Variants in AFG2A observed in about 807,000 individuals in gnomAD.
AFG2A encodes the protein ATPase family gene 2 protein homolog A.
chr4:123,017,172 G>T, the AFG2A span, among the ~76,000 whole-genome samples: 1 of 28,330 alleles, frequency 3.5e-5, no homozygotes, highest in Non-Finnish European at 8.2e-5. Flanking sequence ...AGGGGAGAGG[G>T]AGAGGGGGGA....
the AFG2A span, among the ~76,000 whole-genome samples, chr4:123,075,004 C>T: frequency 3.9e-5 from 6 of 152,140 alleles, no homozygotes; most frequent in Admixed American, 6.5e-5. Flanking sequence ...AGTGCAGTGG[C>T]GACATCTCAG....
chr4:123,027,747 A>C, the AFG2A span, among the ~76,000 whole-genome samples: 18 of 152,170 alleles, frequency 1.2e-4, no homozygotes, highest in African/African-American at 4.1e-4. Flanking sequence ...GCTAAAGATA[A>C]AAATGATTGT....
the AFG2A span, among the ~76,000 whole-genome samples, chr4:123,059,658 A>AGG: frequency 6.6e-6 from 1 of 150,776 alleles, no homozygotes; most frequent in Admixed American, 6.6e-5. Flanking sequence ...TAGTCCTTTG[A>AGG]GTATATACCC....
At chr4:123,167,274 A>G in the AFG2A span, among the ~76,000 whole-genome samples, 1 of 150,168 alleles carries the variant, frequency 6.7e-6, no homozygotes, top group African/African-American at 2.4e-5. Flanking sequence ...ATCTATATAT[A>G]TAGCTTTTTG....
the AFG2A span, among the ~76,000 whole-genome samples, chr4:122,943,550 C>T: frequency 6.6e-6 from 1 of 152,122 alleles, no homozygotes. Context: ...AGATGGGTTT[C>T]CTGAATACAG....
the AFG2A span, among the ~76,000 whole-genome samples, chr4:123,003,449 G>C: frequency 6.6e-6 from 1 of 152,092 alleles, no homozygotes; most frequent in Non-Finnish European, 1.5e-5. Context: ...TGTTTGTTTG[G>C]TCTTTGATGA....
chr4:123,251,732 A>T, the AFG2A span, among the ~76,000 whole-genome samples: 1 of 152,090 alleles, frequency 6.6e-6, no homozygotes, highest in Non-Finnish European at 1.5e-5. Flanking sequence ...TTTAGGTAGA[A>T]AGAAGTGATT....
chr4:123,164,767 C>T, the AFG2A span, among the ~76,000 whole-genome samples: 5 of 151,986 alleles, frequency 3.3e-5, no homozygotes, highest in Non-Finnish European at 5.9e-5. Flanking sequence ...AATAATTGAG[C>T]GATTATGACA....
chr4:123,217,422 G>C, the AFG2A span, among the ~76,000 whole-genome samples: 1 of 152,228 alleles, frequency 6.6e-6, no homozygotes, highest in Non-Finnish European at 1.5e-5. Context: ...GCTATTTTAA[G>C]ACTGTCTTTA....
chr4:122,983,108 C>T, the AFG2A span, among the ~76,000 whole-genome samples: 8 of 152,012 alleles, frequency 5.3e-5, no homozygotes, highest in Middle Eastern at 6.8e-3. Flanking sequence ...CCTCATGATC[C>T]GCCCACCTCA....
At chr4:122,996,797 G>A in the AFG2A span, among the ~76,000 whole-genome samples, 2 of 152,132 alleles carry the variant, frequency 1.3e-5, no homozygotes, top group African/African-American at 4.8e-5. Context: ...CAGTGAGACT[G>A]AAGGCCTGAG....
the AFG2A span, among the ~76,000 whole-genome samples, chr4:123,032,543 G>A: frequency 6.6e-6 from 1 of 152,190 alleles, no homozygotes; most frequent in Admixed American, 6.5e-5. Flanking sequence ...AGGCTCCCAA[G>A]TATCTGGGGT....
the AFG2A span, among the ~76,000 whole-genome samples, chr4:123,105,717 A>G: frequency 2.0e-5 from 3 of 152,220 alleles, no homozygotes; most frequent in Non-Finnish European, 4.4e-5. Context: ...GATAAGGTAG[A>G]TACAGCAAAA....
chr4:123,060,249 G>A, the AFG2A span, among the ~76,000 whole-genome samples: 2 of 152,346 alleles, frequency 1.3e-5, no homozygotes, highest in African/African-American at 2.4e-5. Flanking sequence ...ATTCTAGGGT[G>A]TGGAGGATCG....
the AFG2A span, among the ~76,000 whole-genome samples, chr4:123,115,913 T>A: frequency 1.3e-5 from 2 of 152,100 alleles, no homozygotes; most frequent in Non-Finnish European, 2.9e-5. Context: ...TTTAAAAAAT[T>A]TTTTGAGACA....
At chr4:123,226,203 T>C in the AFG2A span, among the ~76,000 whole-genome samples, 1 of 152,194 alleles carries the variant, frequency 6.6e-6, no homozygotes, top group Non-Finnish European at 1.5e-5. Flanking sequence ...TACCCTTTAT[T>C]TCCTTCTCCT....
At chr4:122,965,014 A>T in the AFG2A span, among the ~76,000 whole-genome samples, 2 of 152,190 alleles carry the variant, frequency 1.3e-5, no homozygotes, top group Non-Finnish European at 2.9e-5. Context: ...TTTTAAAAAA[A>T]GGAGACTTAG....
chr4:122,927,847 C>G, the AFG2A span: 2 of 1,516,246 alleles, frequency 1.3e-6, no homozygotes, highest in Non-Finnish European at 1.8e-6. Flanking sequence ...TTTTGAGTGC[C>G]ATGGTAGTCA....
the AFG2A span, among the ~76,000 whole-genome samples, chr4:123,246,893 C>A: frequency 6.6e-6 from 1 of 152,084 alleles, no homozygotes; most frequent in Admixed American, 6.6e-5. Context: ...TCATTTAAAG[C>A]CCGGCTCATT....
Sources: gnomAD v4.1 joint callset for allele counts (sites outside exome capture counted in the v4.1 genomes callset) on GRCh38, gnomAD v4.1.1 for gene constraint, MANE v1.5 for transcripts, NCBI Gene and HGNC (gene_info 2026-07-23, HGNC 2026-07-21) for gene names.